VPS35L: variants seen among roughly 807,000 people sequenced by gnomAD.
The protein encoded by VPS35L is VPS35 endosomal protein-sorting factor-like.
A neutral mutation model predicts 133.0 loss-of-function variants in VPS35L; 83 were observed. The ratio of observed to expected loss-of-function variants is 0.62; its 90% CI spans 0.52 to 0.75. VPS35L has a LOEUF of 0.75. VPS35L is among the 30% of genes least tolerant of loss of function. The pLI, the probability that VPS35L is intolerant of heterozygous loss-of-function variation, is 0.00. For synonymous variants in VPS35L, 423 were observed against 449.9 expected, an observed-to-expected ratio of 0.94 and a Z score of 0.76; for missense variants, 1,083 against 1,206.8, an observed-to-expected ratio of 0.90 and a Z score of 1.52.
chr16:19,645,047 T>C, intron 23 of VPS35L, 98 bp downstream of exon 23: 1 of 786,460 alleles, frequency 1.3e-6, no homozygotes, highest in Non-Finnish European at 2.0e-6. Flanking sequence ...TCTCTGGTGC[T>C]TTTCATTCTT....
At chr16:19,581,863 G>T (rs1339779865) in intron 7 of VPS35L, 10 of 620,148 alleles carry the variant, frequency 1.6e-5, no homozygotes, top group Non-Finnish European at 2.8e-5. Context: ...AGCTGCACAG[G>T]TTGTGCACTG....
At chr16:19,598,830 A>G (rs13336167) in intron 8 of VPS35L, among the ~76,000 whole-genome samples, 1 of 151,334 alleles carries the variant, frequency 6.6e-6, no homozygotes, top group Non-Finnish European at 1.5e-5. Context: ...AATTTTTTTT[A>G]AAAAAAAGAA....
intron 23 of VPS35L, among the ~76,000 whole-genome samples, chr16:19,645,627 C>A (rs910507595): frequency 6.6e-6 from 1 of 152,132 alleles, no homozygotes; most frequent in Non-Finnish European, 1.5e-5. Context: ...CCCTGTTGGC[C>A]TCCGGCTCAG....
intron 27 of VPS35L, among the ~76,000 whole-genome samples, chr16:19,676,802 GAC>G (rs1381854285): frequency 1.3e-5 from 2 of 152,158 alleles, no homozygotes; most frequent in African/African-American, 2.4e-5. Context: ...AACTCAGGAG[GAC>G]AGACTTCATG....
intron 5 of VPS35L, among the ~76,000 whole-genome samples, chr16:19,575,389 A>G (rs1341310637): frequency 6.6e-6 from 1 of 151,948 alleles, no homozygotes; most frequent in Non-Finnish European, 1.5e-5. Context: ...AACATGGTGA[A>G]ATCTCGTCTC....
Position 19,566,311 on chromosome 16 carries a change from C to T in VPS35L, c.117+1361C>T, listed in dbSNP as rs529082477. 2.6e-5 allele frequency among the ~76,000 whole-genome samples: 4 copies of T among 152,330 alleles called. No homozygotes were observed. In the South Asian group the frequency reaches 8.3e-4, roughly 32 times the overall value. On this transcript the variant is annotated intron_variant, in intron 2 of 30. Transcript: ENST00000417362. ...AGGAGTTCGACACCAGCCTGGCCAA[C>T]ATGGCAAAACCCCATCTCTACTAAA...
intron 7 of VPS35L, among the ~76,000 whole-genome samples, chr16:19,586,317 A>G (rs1319434047): frequency 6.6e-6 from 1 of 151,912 alleles, no homozygotes; most frequent in Non-Finnish European, 1.5e-5. Context: ...GGAAGTATGT[A>G]TGTATGTATG....
intron 28 of VPS35L, among the ~76,000 whole-genome samples, chr16:19,687,763 C>T (rs1378269842): frequency 1.3e-5 from 2 of 152,032 alleles, no homozygotes; most frequent in Non-Finnish European, 2.9e-5. Flanking sequence ...GTAGAGACAA[C>T]AAGCAAGAGA....
intron 7 of VPS35L, among the ~76,000 whole-genome samples, chr16:19,587,716 A>G (rs1012433910): frequency 2.0e-5 from 3 of 151,876 alleles, no homozygotes; most frequent in Admixed American, 6.6e-5. Context: ...TCAATCGACC[A>G]TAAATGTAAG....
chr16:19,579,307 G>A (rs982506104), intron 6 of VPS35L, 179 bp downstream of exon 6: 9 of 573,710 alleles, frequency 1.6e-5, no homozygotes, highest in Non-Finnish European at 2.4e-5. Context: ...CCGAGCTCAC[G>A]GAAGCCTGAC....
chr16:19,561,826 C>A (rs879193639), intron 1 of VPS35L, among the ~76,000 whole-genome samples: 2 of 152,164 alleles, frequency 1.3e-5, no homozygotes, highest in Admixed American at 1.3e-4. Flanking sequence ...AAACTATTGG[C>A]TGGGCTCAGT....
chr16:19,585,055 ACAT>A (rs1251410729), intron 7 of VPS35L, among the ~76,000 whole-genome samples: 1 of 152,210 alleles, frequency 6.6e-6, no homozygotes, highest in Non-Finnish European at 1.5e-5. Context: ...AGGTTCATCC[ACAT>A]CATATTACAT....
chr16:19,629,682 G>T, intron 17 of VPS35L, 85 bp from the exon 18 acceptor site: 1 of 1,230,270 alleles, frequency 8.1e-7, no homozygotes, highest in South Asian at 1.3e-5. Flanking sequence ...TCCAACCATT[G>T]AACAGAGCCA....
chr16:19,623,644 GA>G (rs1321158231), intron 14 of VPS35L, among the ~76,000 whole-genome samples: 1 of 152,034 alleles, frequency 6.6e-6, no homozygotes, highest in Non-Finnish European at 1.5e-5. Context: ...ACATGACAGA[GA>G]GGGGTGCCAC....
rs140390768 is a variant in VPS35L, at chr16:19,564,650, A to G, written c.18-201A>G. ...CTGACCTCACGTGATCCACCCACCT[A>G]GGCTGCCCAAATTGCTGGGATTACA... On this transcript the variant is annotated intron_variant, in intron 1 of 30. Transcript: ENST00000417362. 3.2e-4 allele frequency among the ~76,000 whole-genome samples: 49 copies of G among 152,172 alleles called. No homozygotes were observed. In the East Asian group the frequency reaches 8.3e-3, roughly 26 times the overall value.
chr16:19,616,886 A>C (rs1010000555), intron 14 of VPS35L, 78 bp downstream of exon 14: 1 of 1,584,586 alleles, frequency 6.3e-7, no homozygotes. Flanking sequence ...CTTTAACGTT[A>C]ATGGGACCCT....
chr16:19,652,160 A>G (rs1306752994), intron 26 of VPS35L, 70 bp downstream of exon 26: 3 of 1,060,850 alleles, frequency 2.8e-6, no homozygotes, highest in African/African-American at 3.2e-5. Context: ...GTGTGTGCGT[A>G]TGTGTGTAGA....
chr16:19,588,754 T>A (rs763863909), intron 7 of VPS35L, among the ~76,000 whole-genome samples: 19 of 152,218 alleles, frequency 1.2e-4, no homozygotes, highest in Non-Finnish European at 2.5e-4. Flanking sequence ...GCACGTTTGG[T>A]CACGTCTGCT....
At position 19,652,019 on chromosome 16, in the gene VPS35L, G is replaced by A. The variant is rs544387448; in HGVS notation, c.2150G>A (p.Gly717Asp). 4.1e-5 allele frequency: 66 copies of A among 1,613,294 alleles called. No homozygotes were observed. The Admixed American group carries it at 1.1e-3, about 26-fold the overall frequency. The change falls in exon 26 of 31, where the codon GGC becomes GAC. Residue 717 changes from glycine (G) to aspartate (D), a missense_variant. Transcript: ENST00000417362. ...TTCATCACCATCCCCTCCCTGGCGG[G>A]CATCTTCACACGTCTCAATCTCTAC... ...YCFITIPSLA[G>D]IFTRLNLYLH...
Sources: allele counts gnomAD v4.1 joint callset (sites outside exome capture counted in the v4.1 genomes callset), GRCh38; gene constraint gnomAD v4.1.1; transcripts MANE v1.5; gene names NCBI Gene and HGNC (gene_info 2026-07-23, HGNC 2026-07-21).